The following COMMD4 variants were observed in gnomAD, a reference collection of about 807,000 sequenced individuals.
The protein encoded by COMMD4 is COMM domain-containing protein 4.
A neutral mutation model predicts 27.5 loss-of-function variants in COMMD4; 18 were observed. The observed-to-expected ratio is 0.65, with a 90% CI of 0.45 to 0.97. COMMD4 has a LOEUF of 0.97. COMMD4 is among the 50% of genes least tolerant of loss of function. COMMD4 has a pLI of 0.00. For missense variants in COMMD4, 243 were observed against 250.0 expected, an observed-to-expected ratio of 0.97 and a Z score of 0.19; for synonymous variants, 108 against 108.4, an observed-to-expected ratio of 1.00 and a Z score of 0.02.
At chr15:75,338,322 C>G in intron 2 of COMMD4, 33 bp from the exon 3 acceptor site, 1 of 1,558,172 alleles carries the variant, frequency 6.4e-7, no homozygotes, top group Non-Finnish European at 8.7e-7. Flanking sequence ...GTGAGGTTTG[C>G]CAGCCTGGCT....
chr15:75,342,140 C>T (rs2071433579), downstream of COMMD4: 1 of 141,984 alleles, frequency 7.0e-6, no homozygotes, highest in Admixed American at 7.1e-5. Context: ...CCTTAAAAAG[C>T]AGAAGGTTCT....
downstream of COMMD4, chr15:75,343,194 T>G (rs904926777): frequency 5.9e-5 from 9 of 152,194 alleles, no homozygotes; most frequent in Admixed American, 2.0e-4. Context: ...AATTATTATT[T>G]GTCAATTAAA....
rs769805426 is a variant in COMMD4, at chr15:75,338,796, C to G, written c.181+111C>G. ...CAGCAGCATCCTTAACTTACCTTCC[C>G]TAGTGGAGGAGCATGAGGGAAAGAA... is the stretch of plus-strand genomic sequence containing the variant. On this transcript the variant is annotated intron_variant, in intron 4 of 7. Transcript: ENST00000267935. 2.8e-6 allele frequency: 4 copies of G among 1,424,176 alleles called. No homozygotes were observed. In the South Asian group the frequency reaches 3.6e-5, roughly 13 times the overall value. The allele number at this position is 1,424,176 out of a possible 1,614,324, so 88.2% of individuals were successfully genotyped here. A position where few individuals can be genotyped will look rare whatever the true frequency, so the allele number is the denominator to read the frequency against.
chr15:75,343,129 A>C (rs2071440610), downstream of COMMD4: 1 of 152,190 alleles, frequency 6.6e-6, no homozygotes, highest in Non-Finnish European at 1.5e-5. Flanking sequence ...CGATTTGATC[A>C]TTCCACAATA....
intron 1 of COMMD4, 118 bp downstream of exon 1, chr15:75,336,210 G>A: frequency 1.3e-6 from 2 of 1,546,850 alleles, no homozygotes; most frequent in African/African-American, 1.4e-5. Context: ...AGTGTGTGCG[G>A]GCGTGAGGGC....
chr15:75,340,057 C>T lies in COMMD4; in HGVS notation c.*52C>T, dbSNP rs775996154. On this transcript the variant is annotated 3_prime_UTR_variant, in exon 8 of 8. Transcript: ENST00000267935. The stretch of plus-strand genomic sequence containing the variant: ...GAGCCGCCCTGCCCGTATGGAGTCA[C>T]GCCCTCTGAACTGCTCTTCGGGAGG... 1.0e-5 allele frequency: 16 copies of T among 1,603,684 alleles called. No homozygotes were observed. Among genetic ancestry groups the T allele is most frequent in the South Asian group, 5.5e-5 (5 of 90,192 alleles).
rs1024664340 is a variant in COMMD4, at chr15:75,338,305, A to G, written c.76-50A>G. 14 of 1,492,478 alleles carry G rather than the reference A, an allele frequency of 9.4e-6. No homozygotes were observed. In the African/African-American group the frequency reaches 1.5e-4, roughly 16 times the overall value. The allele number at this position is 1,492,478 out of a possible 1,614,324, so 92.5% of individuals were successfully genotyped here. ...GCCTGCTCTGAGCCAGTCCCCAGGA[A>G]GGAGGGGTGAGGTTTGCCAGCCTGG... is the stretch of plus-strand genomic sequence containing the variant. On this transcript the variant is annotated intron_variant, in intron 2 of 7. Coordinates refer to ENST00000267935, the MANE Select transcript of COMMD4 (RefSeq NM_017828.5).
chr15:75,339,221 G>A (rs2071352038), intron 5 of COMMD4, 43 bp from the exon 6 acceptor site: 1 of 1,612,144 alleles, frequency 6.2e-7, no homozygotes, highest in African/African-American at 1.3e-5. Context: ...CCCAAGCCAG[G>A]CCCCGACATG....
Position 75,338,057 on chromosome 15 carries a change from T to A in COMMD4, c.4-5T>A. ...AGCCTGATTACCTGCCTCCCTCCCT[T>A]GCAGAGGTTCCGGTTCTGTGGTGAT... On this transcript the variant is annotated splice_polypyrimidine_tract_variant and splice_region_variant and intron_variant, in intron 1 of 7. Coordinates refer to ENST00000267935, the MANE Select transcript of COMMD4 (RefSeq NM_017828.5). The A allele has an allele frequency of 6.2e-7, 1 of 1,604,216 alleles. No homozygotes were observed. The highest frequency in any genetic ancestry group is 1.1e-5 in the South Asian group (1 of 88,888).
At chr15:75,336,454 G>T in intron 1 of COMMD4, 1 of 562,170 alleles carries the variant, frequency 1.8e-6, no homozygotes, top group East Asian at 3.0e-5. Context: ...CCCCAGCCCT[G>T]CCGTGGGGCT....
rs183675674 is a variant in COMMD4, at chr15:75,338,460, A to G, written c.141+40A>G. 4 of 1,606,854 alleles carry G rather than the reference A, an allele frequency of 2.5e-6. No individual in the cohort carries two copies. The Admixed American group carries it at 6.7e-5, about 27-fold the overall frequency. On this transcript the variant is annotated intron_variant, in intron 3 of 7. Transcript: ENST00000267935. The stretch of plus-strand genomic sequence containing the variant: ...CAGCACCCCATTGTCCCATGACCTT[A>G]TGACCACCACTGCCCTGAAACTCTG...
downstream of COMMD4, chr15:75,342,736 A>C (rs1206944685): frequency 6.6e-6 from 1 of 152,172 alleles, no homozygotes; most frequent in Non-Finnish European, 1.5e-5. Flanking sequence ...AAATAGCTAA[A>C]AGAGGGTTTT....
At chr15:75,342,139 G>A (rs2071433557), downstream of COMMD4, 1 of 142,620 alleles carries the variant, frequency 7.0e-6, no homozygotes, top group African/African-American at 2.6e-5. Context: ...CCCTTAAAAA[G>A]CAGAAGGTTC....
downstream of COMMD4, among the ~76,000 whole-genome samples, chr15:75,340,656 C>G (rs892810773): frequency 6.6e-6 from 1 of 152,120 alleles, no homozygotes; most frequent in Non-Finnish European, 1.5e-5. Context: ...CCAGGTTTCA[C>G]TGCCATCTTG....
At position 75,340,098 on chromosome 15, in the gene COMMD4, G is replaced by C. The variant is rs1407038145; in HGVS notation, c.*93G>C. 6.8e-7 allele frequency: 1 copy of C among 1,461,056 alleles called. No individual in the cohort carries two copies. The highest frequency in any genetic ancestry group is 9.3e-7 in the Non-Finnish European group (1 of 1,070,234). The allele number at this position is 1,461,056 out of a possible 1,614,324, so 90.5% of individuals were successfully genotyped here. On this transcript the variant is annotated 3_prime_UTR_variant, in exon 8 of 8. Coordinates refer to ENST00000267935, the MANE Select transcript of COMMD4 (RefSeq NM_017828.5). Reference sequence around the variant, plus strand: ...CTTCGGGAGGCAGCCCTGGTTCTAGGATGCTGAGGCCCTGGCCCGGACTCT... The same window carrying C: ...CTTCGGGAGGCAGCCCTGGTTCTAGCATGCTGAGGCCCTGGCCCGGACTCT...
Position 75,336,326 on chromosome 15 carries a change from C to T in COMMD4, c.3+234C>T, listed in dbSNP as rs2071184796. 2.9e-6 allele frequency: 4 copies of T among 1,391,592 alleles called. No individual in the cohort carries two copies. The African/African-American group carries it at 4.4e-5, about 15-fold the overall frequency. The allele number at this position is 1,391,592 out of a possible 1,614,324, so 86.2% of individuals were successfully genotyped here. Reference sequence around the variant, plus strand: ...GGCCGGCCGGCTTAGAGTCCCGGTGCTTCCCTGGCGGAAGGAAGGGCCCCT... The same window carrying T: ...GGCCGGCCGGCTTAGAGTCCCGGTGTTTCCCTGGCGGAAGGAAGGGCCCCT... On this transcript the variant is annotated intron_variant, in intron 1 of 7. Transcript: ENST00000267935.
Position 75,338,985 on chromosome 15 carries a change from A to C in COMMD4, c.182A>C (p.Glu61Ala), listed in dbSNP as rs1483646169. 1 of 1,613,928 alleles carries C rather than the reference A, an allele frequency of 6.2e-7. No individual in the cohort carries two copies. ...ILKLTADAKF[E>A]SGDVKATVAV... ...CCTGCCCCACCCACGGGTCCCTCAG[A>C]GTCAGGCGATGTGAAGGCCACAGTG... The change falls in exon 5 of 8, where the codon GAG becomes GCG. Residue 61 changes from glutamate (E) to alanine (A), a missense_variant and splice_region_variant. Coordinates refer to ENST00000267935, the MANE Select transcript of COMMD4 (RefSeq NM_017828.5).
chr15:75,341,795 G>T (rs2071430298), downstream of COMMD4: 1 of 152,150 alleles, frequency 6.6e-6, no homozygotes. Flanking sequence ...ATCACTAAAG[G>T]CCAGGTGCAG....
Position 75,336,170 on chromosome 15 carries a change from G to A in COMMD4, c.3+78G>A, listed in dbSNP as rs1315490041. The A allele has an allele frequency of 2.6e-6, 4 of 1,549,478 alleles. No homozygotes were observed. The Admixed American group carries it at 7.8e-5, about 30-fold the overall frequency. On this transcript the variant is annotated intron_variant, in intron 1 of 7. Transcript: ENST00000267935. ...GGCGCCAAGTGGCTCCGGAAACTGG[G>A]GGAGGTTGTACTGGCCTCTCCGCAA...
Sources: gnomAD v4.1 joint callset for allele counts (sites outside exome capture counted in the v4.1 genomes callset) on GRCh38, gnomAD v4.1.1 for gene constraint, MANE v1.5 for transcripts, NCBI Gene and HGNC (gene_info 2026-07-23, HGNC 2026-07-21) for gene names.